UIMC1: variants seen among roughly 807,000 people sequenced by gnomAD.
The protein encoded by UIMC1 is BRCA1-A complex subunit RAP80.
In UIMC1, 42 loss-of-function variants were observed where a neutral mutation model predicts 84.9. The observed-to-expected ratio is 0.49, with a 90% CI of 0.39 to 0.64. The LOEUF (loss-of-function observed/expected upper bound fraction) is 0.64. Among genes scored for constraint, UIMC1 ranks in the 30% least tolerant of loss-of-function variants. The probability of loss-of-function intolerance (pLI) is 0.00; values close to 1 mark genes in which losing one functional copy is unlikely to be tolerated. For missense variants in UIMC1, 825 were observed against 847.6 expected (o/e 0.97, Z 0.33); for synonymous variants, 281 against 293.0 (o/e 0.96, Z 0.42).
chr5:176,952,256 A>C (rs1765982469), intron 8 of UIMC1, among the ~76,000 whole-genome samples: 1 of 152,262 alleles, frequency 6.6e-6, no homozygotes, highest in African/African-American at 2.4e-5. Flanking sequence ...ATGATTAGCA[A>C]AAACAGAAAT....
In UIMC1 at chr5:176,969,639, G is replaced by A; in HGVS notation, c.425C>T (p.Ser142Phe). The A allele has an allele frequency of 6.2e-7, 1 of 1,614,142 alleles. No homozygotes were observed. The highest frequency in any genetic ancestry group is 8.5e-7 in the Non-Finnish European group (1 of 1,180,032). ...RPLATGPSSQ[S>F]HQEKTTDSGL... is the part of the protein sequence containing the mutation. ...AGAGTCTGTGGTTTTCTCTTGATGG[G>A]ACTGGGAAGACGGTCCAGTGGCCAG... The change falls in exon 5 of 15, where the codon TCC (serine) becomes TTC (phenylalanine). Residue 142 changes from serine (S) to phenylalanine (F), a missense_variant. Coordinates refer to ENST00000511320, the MANE Select transcript of UIMC1 (RefSeq NM_001199298.2).
chr5:177,017,300 G>A (rs1233615877), intron 1 of UIMC1, among the ~76,000 whole-genome samples: 3 of 152,160 alleles, frequency 2.0e-5, no homozygotes, highest in Non-Finnish European at 2.9e-5. Flanking sequence ...CTATTAGGAG[G>A]TAACTCAGAT....
intron 4 of UIMC1, 170 bp downstream of exon 4, chr5:176,970,572 T>C (rs2149486095): frequency 2.0e-6 from 2 of 1,015,784 alleles, no homozygotes; most frequent in South Asian, 1.4e-5. Context: ...ATACTTTAAA[T>C]TGGGTTAACC....
At chr5:176,921,478 G>A (rs1055826517) in intron 10 of UIMC1, among the ~76,000 whole-genome samples, 1 of 152,116 alleles carries the variant, frequency 6.6e-6, no homozygotes, top group African/African-American at 2.4e-5. Flanking sequence ...TTAAAATTAT[G>A]TACAAAACCA....
intron 1 of UIMC1, among the ~76,000 whole-genome samples, chr5:176,995,532 G>A (rs1302048405): frequency 2.2e-5 from 2 of 88,902 alleles, no homozygotes; most frequent in African/African-American, 5.1e-5. Flanking sequence ...GAAAGACTCT[G>A]TCTCCAAAAA....
At chr5:176,927,649 G>C (rs1033018496) in intron 10 of UIMC1, among the ~76,000 whole-genome samples, 1 of 152,084 alleles carries the variant, frequency 6.6e-6, no homozygotes, top group Non-Finnish European at 1.5e-5. Context: ...TGAGGTGGGT[G>C]GTCAAGTTGG....
chr5:176,914,025 C>T (rs1416006560), intron 10 of UIMC1, among the ~76,000 whole-genome samples: 1 of 126,752 alleles, frequency 7.9e-6, no homozygotes, highest in Non-Finnish European at 1.8e-5. Context: ...TACCATACAC[C>T]ATACCATACC....
chr5:176,993,306 C>G (rs1040714633), intron 1 of UIMC1, among the ~76,000 whole-genome samples: 1 of 152,108 alleles, frequency 6.6e-6, no homozygotes, highest in African/African-American at 2.4e-5. Flanking sequence ...CCATCTCAAC[C>G]TCCCAAGTAG....
intron 10 of UIMC1, among the ~76,000 whole-genome samples, chr5:176,928,580 T>C (rs1228756717): frequency 6.6e-6 from 1 of 152,176 alleles, no homozygotes; most frequent in Admixed American, 6.5e-5. Context: ...TTGGATCCTG[T>C]TTTCAACAAA....
At chr5:176,932,837 A>G (rs1763278869) in intron 10 of UIMC1, among the ~76,000 whole-genome samples, 1 of 145,624 alleles carries the variant, frequency 6.9e-6, no homozygotes, top group Admixed American at 6.8e-5. Context: ...TAGCTTCTTC[A>G]TCCAGTCAGC....
chr5:176,952,249 A>G (rs916401040), intron 8 of UIMC1, among the ~76,000 whole-genome samples: 3 of 152,256 alleles, frequency 2.0e-5, no homozygotes, highest in African/African-American at 7.2e-5. Context: ...TAAAGAGATG[A>G]TTAGCAAAAA....
At chr5:176,975,614 A>C in intron 2 of UIMC1, 134 bp from the exon 3 acceptor site, 3 of 778,448 alleles carry the variant, frequency 3.9e-6, no homozygotes, top group Admixed American at 2.9e-5. Context: ...ATAAAACATT[A>C]GAAGATCCTT....
rs1393770367 is a variant in UIMC1, at chr5:176,905,177, G to A, written c.*105C>T. On this transcript the variant is annotated 3_prime_UTR_variant, in exon 15 of 15. Transcript: ENST00000511320. ...TGGGTAGGTGCTGGTGGTGAAAACT[G>A]CAGGGCTAAAACTTGCTCAACAATG... 17 of 1,235,368 alleles carry A rather than the reference G, an allele frequency of 1.4e-5. No homozygotes were observed. Among genetic ancestry groups the A allele is most frequent in the Non-Finnish European group, 1.7e-5 (15 of 889,720 alleles). The allele number at this position is 1,235,368 out of a possible 1,614,324, so 76.5% of individuals were successfully genotyped here. A position where few individuals can be genotyped will look rare whatever the true frequency, so the allele number is the denominator to read the frequency against.
rs1475162013 is a variant in UIMC1 at position 176,958,769 on chromosome 5, G to A, written c.1201-615C>T. Among the ~76,000 whole-genome samples, 35 of 152,202 alleles carry A rather than the reference G, an allele frequency of 2.3e-4. 2 individuals are homozygous for A. The highest frequency in any genetic ancestry group is 2.3e-3 in the Admixed American group (35 of 15,278). ...TATCTTTTCAGAAATGTAATGAATA[G>A]GGACTACATAAGGAAAGATTATTTT... On this transcript the variant is annotated intron_variant, in intron 6 of 14. Coordinates refer to ENST00000511320, the MANE Select transcript of UIMC1 (RefSeq NM_001199298.2).
intron 2 of UIMC1, among the ~76,000 whole-genome samples, chr5:176,979,757 C>T (rs1273169718): frequency 6.6e-6 from 1 of 152,080 alleles, no homozygotes; most frequent in South Asian, 2.1e-4. Context: ...ACATATATGA[C>T]GTATGACATA....
intron 8 of UIMC1, among the ~76,000 whole-genome samples, chr5:176,953,202 A>G (rs1766116984): frequency 6.6e-6 from 1 of 152,140 alleles, no homozygotes; most frequent in Admixed American, 6.5e-5. Flanking sequence ...TGAGAAATAA[A>G]TTTATGTTGC....
At chr5:176,947,995 A>ATCCC (rs1206984401) in intron 9 of UIMC1, among the ~76,000 whole-genome samples, 1 of 151,614 alleles carries the variant, frequency 6.6e-6, no homozygotes, top group Non-Finnish European at 1.5e-5. Context: ...CAAACTCTCC[A>ATCCC]TCCCTCCCCC....
intron 9 of UIMC1, among the ~76,000 whole-genome samples, chr5:176,945,521 G>A (rs1168962106): frequency 2.0e-5 from 3 of 152,226 alleles, no homozygotes. Context: ...CGCGTGATGT[G>A]CTTCCCCCTG....
At chr5:176,913,129 C>A (rs538542052) in intron 10 of UIMC1, among the ~76,000 whole-genome samples, 247 of 152,324 alleles carry the variant, frequency 1.6e-3, no homozygotes, top group African/African-American at 5.7e-3. Context: ...TGCATTACAA[C>A]ATCTTGGATT....
Sources: gnomAD v4.1 joint callset for allele counts (sites outside exome capture counted in the v4.1 genomes callset) on GRCh38, gnomAD v4.1.1 for gene constraint, MANE v1.5 for transcripts, NCBI Gene and HGNC (gene_info 2026-07-23, HGNC 2026-07-21) for gene names.